The following NDUFAB1 variants were observed in gnomAD, a reference collection of about 807,000 sequenced individuals.
The protein encoded by NDUFAB1 is acyl carrier protein, mitochondrial.
Under a neutral mutation model 16.1 loss-of-function variants are expected in NDUFAB1, and 5 were observed. That is an observed-to-expected ratio of 0.31 (90% CI 0.16 to 0.65). The LOEUF is 0.65. NDUFAB1 is among the 30% of genes least tolerant of loss of function. The probability of loss-of-function intolerance (pLI) is 0.77; values close to 1 mark genes in which losing one functional copy is unlikely to be tolerated. For missense variants in NDUFAB1, 187 were observed against 205.3 expected, an observed-to-expected ratio of 0.91 and a Z score of 0.54; for synonymous variants, 85 against 78.4, an observed-to-expected ratio of 1.08 and a Z score of -0.44.
At chr16:23,596,076 C>G (rs745574681) in intron 1 of NDUFAB1, 47 bp downstream of exon 1, 1 of 1,575,954 alleles carries the variant, frequency 6.3e-7, no homozygotes, top group Non-Finnish European at 8.6e-7. Context: ...CCCACCGGGC[C>G]CAATCCCTGA....
At chr16:23,584,995 C>G (rs1314973161) in intron 3 of NDUFAB1, among the ~76,000 whole-genome samples, 1 of 152,230 alleles carries the variant, frequency 6.6e-6, no homozygotes, top group Non-Finnish European at 1.5e-5. Context: ...TCAGGAGGGG[C>G]TGACATGTCA....
At chr16:23,592,190 G>A (rs1966285820) in intron 1 of NDUFAB1, among the ~76,000 whole-genome samples, 2 of 152,080 alleles carry the variant, frequency 1.3e-5, no homozygotes, top group African/African-American at 4.8e-5. Context: ...TCAAGAAAAC[G>A]AAATGAGGTC....
chr16:23,586,051 C>G (rs1005310230), intron 2 of NDUFAB1, among the ~76,000 whole-genome samples: 1 of 151,964 alleles, frequency 6.6e-6, no homozygotes, highest in African/African-American at 2.4e-5. Flanking sequence ...CCTCAGACTC[C>G]CGAGTAGCTG....
chr16:23,595,802 T>C (rs1966320234), intron 1 of NDUFAB1, among the ~76,000 whole-genome samples: 1 of 152,198 alleles, frequency 6.6e-6, no homozygotes, highest in African/African-American at 2.4e-5. Flanking sequence ...CTAATCCTCA[T>C]TGCTACTCCG....
At chr16:23,582,989 G>T (rs899456565) in intron 3 of NDUFAB1, among the ~76,000 whole-genome samples, 1 of 152,278 alleles carries the variant, frequency 6.6e-6, no homozygotes, top group Non-Finnish European at 1.5e-5. Flanking sequence ...ACTGGTTTTC[G>T]TATTTTTTTG....
intron 1 of NDUFAB1, among the ~76,000 whole-genome samples, chr16:23,590,025 C>T (rs1233679719): frequency 4.6e-5 from 7 of 151,716 alleles, no homozygotes. Context: ...TTTGGGAGGC[C>T]AAAGTGGAAG....
At chr16:23,586,910 A>G (rs1966238388) in intron 2 of NDUFAB1, among the ~76,000 whole-genome samples, 1 of 152,168 alleles carries the variant, frequency 6.6e-6, no homozygotes, top group South Asian at 2.1e-4. Context: ...GGCCTCCCAA[A>G]GTGCTGGGAT....
intron 1 of NDUFAB1, among the ~76,000 whole-genome samples, chr16:23,588,838 C>G (rs933201528): frequency 2.2e-4 from 33 of 152,166 alleles, no homozygotes; most frequent in African/African-American, 5.5e-4. Context: ...ATTAGCTGGG[C>G]GTGGTGGTGT....
At chr16:23,595,063 C>G (rs1336800952) in intron 1 of NDUFAB1, among the ~76,000 whole-genome samples, 1 of 151,828 alleles carries the variant, frequency 6.6e-6, no homozygotes, top group Non-Finnish European at 1.5e-5. Context: ...CCAACCTGGC[C>G]AATATGATGA....
chr16:23,589,721 G>A (rs991273855), intron 1 of NDUFAB1, among the ~76,000 whole-genome samples: 1 of 151,288 alleles, frequency 6.6e-6, no homozygotes. Flanking sequence ...GATCTCTTGA[G>A]GTCAGGAGTT....
chr16:23,584,254 T>TAAAAAAAAAAAAAAA (rs774895056), intron 3 of NDUFAB1, among the ~76,000 whole-genome samples: 4 of 12,114 alleles, frequency 3.3e-4, no homozygotes, highest in African/African-American at 5.2e-4. Flanking sequence ...GAATGATCAA[T>TAAAAAAAAAAAAAAA]TAAAAAAAAA....
rs58853102 is a variant in NDUFAB1 at position 23,584,255 on chromosome 16, TAAA to T, written c.379+1078_379+1080del. ...CGAGAAACACCCAAGAATGATCAAT[TAAA>T]AAAAAAAAAAAAAAAAGAAACCCAG... On this transcript the variant is annotated intron_variant, in intron 3 of 4. Coordinates refer to ENST00000007516, the MANE Select transcript of NDUFAB1 (RefSeq NM_005003.3). 4.0e-3 allele frequency among the ~76,000 whole-genome samples: 136 copies of T among 34,050 alleles called. 16 individuals are homozygous for T. Among genetic ancestry groups the T allele is most frequent in the South Asian group, 0.026 (23 of 894 alleles). The allele number at this position is 34,050 out of a possible 152,430, so 22.3% of individuals were successfully genotyped here. A position where few individuals can be genotyped will look rare whatever the true frequency, so the allele number is the denominator to read the frequency against.
At chr16:23,587,428 C>T (rs908672243) in intron 1 of NDUFAB1, 109 bp from the exon 2 acceptor site, 1 of 1,351,888 alleles carries the variant, frequency 7.4e-7, no homozygotes, top group African/African-American at 1.5e-5. Flanking sequence ...TTAGAGAACC[C>T]ACAGCATCTG....
At chr16:23,594,472 C>A (rs1966305986) in intron 1 of NDUFAB1, among the ~76,000 whole-genome samples, 1 of 152,100 alleles carries the variant, frequency 6.6e-6, no homozygotes, top group Admixed American at 6.6e-5. Context: ...CCCACCTCAG[C>A]CTCCTGAGTA....
intron 1 of NDUFAB1, chr16:23,595,480 T>C (rs1185051156): frequency 1.6e-5 from 7 of 431,402 alleles, no homozygotes; most frequent in Non-Finnish European, 3.3e-5. Context: ...CTGCCCTCCT[T>C]ATACGCGGGG....
intron 2 of NDUFAB1, among the ~76,000 whole-genome samples, 163 bp downstream of exon 2, chr16:23,587,034 T>C (rs1966239516): frequency 6.6e-6 from 1 of 152,196 alleles, no homozygotes; most frequent in Non-Finnish European, 1.5e-5. Context: ...TTGAGTACCT[T>C]TGGAAACATA....
In NDUFAB1 at chr16:23,587,273, G is replaced by A; in HGVS notation, c.215C>T (p.Pro72Leu). Residue 72 changes from proline (P) to leucine (L), a missense_variant, in exon 2 of 5, where the codon CCT becomes CTT. Pro to Leu is a moderately conservative substitution (Grantham distance 98). Transcript: ENST00000007516. ...TQLCRQYSDM[P>L]PLTLEGIQDR... ...CTGGATGCCCTCTAACGTCAAAGGA[G>A]GCATGTCGCTATACTGGCGGCACAA... is the stretch of plus-strand genomic sequence containing the variant. The A allele has an allele frequency of 6.2e-7, 1 of 1,614,056 alleles. No individual in the cohort carries two copies. Among genetic ancestry groups the A allele is most frequent in the South Asian group, 1.1e-5 (1 of 91,074 alleles).
rs1365520029 is a variant in NDUFAB1 at position 23,583,746 on chromosome 16, C to CGTCA, written c.380-1375_380-1372dup. 6.6e-5 allele frequency among the ~76,000 whole-genome samples: 10 copies of CGTCA among 151,046 alleles called. 1 individual carries two copies. The highest frequency in any genetic ancestry group is 1.5e-4 in the Non-Finnish European group (10 of 67,862). On this transcript the variant is annotated intron_variant, in intron 3 of 4. Transcript: ENST00000007516. ...GAGCGTCTCCGCCCGGCAGCCGCCCCGTCAGGGAGGTGTACCCAACAGCTC... is the reference window on the plus strand; with the variant it reads ...GAGCGTCTCCGCCCGGCAGCCGCCCCGTCAGTCAGGGAGGTGTACCCAACAGCTC...
chr16:23,588,181 G>T (rs766460846), intron 1 of NDUFAB1, among the ~76,000 whole-genome samples: 1 of 152,142 alleles, frequency 6.6e-6, no homozygotes. Flanking sequence ...CTGGCTAGTC[G>T]TGGTGGCTCA....
Sources: gnomAD v4.1 joint callset for allele counts (sites outside exome capture counted in the v4.1 genomes callset) on GRCh38, gnomAD v4.1.1 for gene constraint, MANE v1.5 for transcripts, NCBI Gene and HGNC (gene_info 2026-07-23, HGNC 2026-07-21) for gene names.